WWOX: variants seen among roughly 807,000 people sequenced by gnomAD.
WWOX encodes WW domain-containing oxidoreductase.
WWOX carries 69 observed loss-of-function variants against 46.2 expected under a neutral mutation model. That is an observed-to-expected ratio of 1.49 (90% CI 1.23 to 1.82). WWOX has a LOEUF of 1.82. WWOX is among the 40% of genes most tolerant of loss of function. The pLI is 0.00. For missense variants in WWOX, 919 were observed against 542.6 expected (o/e 1.69, Z -6.89); for synonymous variants, 359 against 202.6 (o/e 1.77, Z -6.56).
intron 8 of WWOX, among the ~76,000 whole-genome samples, chr16:78,628,432 A>G (rs2046356980): frequency 6.6e-6 from 1 of 152,150 alleles, no homozygotes; most frequent in African/African-American, 2.4e-5. Context: ...GGTGCCGAGA[A>G]TCAGTATTTC....
intron 8 of WWOX, among the ~76,000 whole-genome samples, chr16:78,733,346 C>G (rs1317375043): frequency 1.3e-5 from 2 of 151,842 alleles, no homozygotes; most frequent in African/African-American, 4.8e-5. Context: ...TCTCAGCTTC[C>G]CAGAAGGTCA....
At chr16:78,435,812 G>A (rs1254007237) in intron 8 of WWOX, among the ~76,000 whole-genome samples, 1 of 152,154 alleles carries the variant, frequency 6.6e-6, no homozygotes, top group African/African-American at 2.4e-5. Context: ...TTCTGAGCCT[G>A]TCTCATTACG....
chr16:78,885,369 A>C (rs2044433264), intron 8 of WWOX, among the ~76,000 whole-genome samples: 2 of 152,200 alleles, frequency 1.3e-5, no homozygotes, highest in Admixed American at 1.3e-4. Context: ...GTACAAGAAC[A>C]CTTTTTGGCT....
At chr16:78,354,564 T>C (rs2081246722) in intron 5 of WWOX, among the ~76,000 whole-genome samples, 1 of 152,154 alleles carries the variant, frequency 6.6e-6, no homozygotes, top group Non-Finnish European at 1.5e-5. Context: ...TTCATATGCT[T>C]AGAAATATCC....
intron 5 of WWOX, among the ~76,000 whole-genome samples, chr16:78,352,856 G>C (rs1014315945): frequency 6.6e-6 from 1 of 152,074 alleles, no homozygotes; most frequent in Admixed American, 6.5e-5. Context: ...CTGGATTGGC[G>C]GTTGATTGAA....
chr16:78,581,261 G>A (rs1006427801), intron 8 of WWOX, among the ~76,000 whole-genome samples: 2 of 152,104 alleles, frequency 1.3e-5, no homozygotes, highest in African/African-American at 2.4e-5. Flanking sequence ...GATAATTAAG[G>A]GTCTTGAGCA....
At chr16:78,859,607 C>T (rs1386796271) in intron 8 of WWOX, among the ~76,000 whole-genome samples, 1 of 152,110 alleles carries the variant, frequency 6.6e-6, no homozygotes, top group African/African-American at 2.4e-5. Context: ...CCTTCATGTT[C>T]AGCATTTTAT....
intron 8 of WWOX, among the ~76,000 whole-genome samples, chr16:78,812,420 C>A (rs186610880): frequency 6.6e-6 from 1 of 152,010 alleles, no homozygotes; most frequent in African/African-American, 2.4e-5. Flanking sequence ...TAAAAAAAAC[C>A]CAAAAACAGA....
intron 8 of WWOX, chr16:79,202,787 T>A (rs146709748): frequency 6.6e-6 from 1 of 152,144 alleles, no homozygotes; most frequent in Non-Finnish European, 1.5e-5. Context: ...TATATTTACA[T>A]AGGGAAACAA....
chr16:78,680,899 C>G (rs1190405100), intron 8 of WWOX, among the ~76,000 whole-genome samples: 3 of 151,968 alleles, frequency 2.0e-5, no homozygotes, highest in African/African-American at 7.3e-5. Context: ...AAGTTTGAGC[C>G]TAGGAGTTTG....
intron 5 of WWOX, among the ~76,000 whole-genome samples, chr16:78,226,254 C>G (rs2037050372): frequency 6.6e-6 from 1 of 152,080 alleles, no homozygotes; most frequent in Non-Finnish European, 1.5e-5. Context: ...CAGATTGCAC[C>G]AAGCCTGATG....
rs527542671 is a variant in WWOX, at chr16:78,845,835, A to G, written c.1057-365773A>G. The stretch of plus-strand genomic sequence containing the variant: ...TGTGGGCACTTAAGACATGGAGCTG[A>G]GAGTGAATATGAGAGTGAATATTCT... On this transcript the variant is annotated intron_variant, in intron 8 of 8. Transcript: ENST00000566780. Among the ~76,000 whole-genome samples, 55 of 152,374 alleles carry G rather than the reference A, an allele frequency of 3.6e-4. No homozygotes were observed. The Middle Eastern group carries it at 0.01, about 28-fold the overall frequency.
intron 5 of WWOX, among the ~76,000 whole-genome samples, chr16:78,244,678 C>G (rs1249705445): frequency 6.6e-6 from 1 of 152,186 alleles, no homozygotes; most frequent in Non-Finnish European, 1.5e-5. Context: ...CTGGGCCTCC[C>G]CAGGCCTTAT....
chr16:78,666,760 T>C (rs1051182848), intron 8 of WWOX, among the ~76,000 whole-genome samples: 2 of 152,220 alleles, frequency 1.3e-5, no homozygotes, highest in African/African-American at 2.4e-5. Flanking sequence ...TTTGGTTGTG[T>C]TCTTTCCTGG....
intron 8 of WWOX, among the ~76,000 whole-genome samples, chr16:78,622,653 C>A (rs1289496089): frequency 1.3e-5 from 2 of 149,606 alleles, no homozygotes; most frequent in Non-Finnish European, 3.0e-5. Flanking sequence ...GATGTGATCA[C>A]CCTTCCCCCA....
At chr16:78,776,449 C>G (rs886765115) in intron 8 of WWOX, among the ~76,000 whole-genome samples, 1 of 151,992 alleles carries the variant, frequency 6.6e-6, no homozygotes, top group African/African-American at 2.4e-5. Flanking sequence ...AATGGGGATT[C>G]CAGTGGTTAT....
chr16:78,514,694 T>C (rs902692733), intron 8 of WWOX, among the ~76,000 whole-genome samples: 1 of 152,132 alleles, frequency 6.6e-6, no homozygotes, highest in African/African-American at 2.4e-5. Context: ...TATTATTAAG[T>C]GGAATAAGCA....
intron 8 of WWOX, among the ~76,000 whole-genome samples, chr16:78,619,656 G>T (rs892703777): frequency 1.3e-5 from 2 of 152,002 alleles, no homozygotes; most frequent in African/African-American, 4.8e-5. Context: ...TGTAAAGCCA[G>T]CACTTCGGGA....
At chr16:79,009,944 G>T (rs545981590) in intron 8 of WWOX, among the ~76,000 whole-genome samples, 1 of 152,174 alleles carries the variant, frequency 6.6e-6, no homozygotes, top group Admixed American at 6.5e-5. Context: ...GTCTATTAAC[G>T]TGTGACCTTG....
Sources: gnomAD v4.1 joint callset for allele counts (sites outside exome capture counted in the v4.1 genomes callset) on GRCh38, gnomAD v4.1.1 for gene constraint, MANE v1.5 for transcripts, NCBI Gene and HGNC (gene_info 2026-07-23, HGNC 2026-07-21) for gene names.